Variants in SPTA1 observed in about 807,000 individuals in gnomAD.
SPTA1 encodes the protein spectrin alpha chain, erythrocytic 1.
Under a neutral mutation model 324.7 loss-of-function variants are expected in SPTA1, and 177 were observed. The ratio of observed to expected loss-of-function variants is 0.55; its 90% confidence interval spans 0.48 to 0.62. The LOEUF (loss-of-function observed/expected upper bound fraction) is 0.62, where lower values mean the gene tolerates loss of function less well. Among genes scored for constraint, SPTA1 ranks in the 20% least tolerant of loss-of-function variants. The pLI, the probability that SPTA1 is intolerant of heterozygous loss-of-function variation, is 0.00. For missense variants in SPTA1, 3,162 were observed against 2,883.6 expected (o/e 1.10, Z -2.21); for synonymous variants, 1,195 against 1,041.3 (o/e 1.15, Z -2.84).
At chr1:158,658,083 A>C (rs557135856) in intron 18 of SPTA1, among the ~76,000 whole-genome samples, 1 of 152,216 alleles carries the variant, frequency 6.6e-6, no homozygotes, top group African/African-American at 2.4e-5. Flanking sequence ...AAACAACTAG[A>C]AAACAGGAAA....
At chr1:158,682,020 C>T (rs962816370) in intron 3 of SPTA1, among the ~76,000 whole-genome samples, 6 of 152,132 alleles carry the variant, frequency 3.9e-5, no homozygotes, top group African/African-American at 9.7e-5. Context: ...ATAAGCATAA[C>T]ATGTTCTAAG....
intron 16 of SPTA1, 69 bp from the exon 17 acceptor site, chr1:158,663,014 G>A (rs192910219): frequency 2.8e-5 from 45 of 1,601,748 alleles, no homozygotes; most frequent in Non-Finnish European, 3.7e-5. Flanking sequence ...AGTTTGTCAT[G>A]GTGGAAACGG....
chr1:158,623,515 G>C (rs886465395), intron 42 of SPTA1, among the ~76,000 whole-genome samples: 7 of 152,178 alleles, frequency 4.6e-5, no homozygotes, highest in Admixed American at 4.6e-4. Flanking sequence ...GGAGGTAACT[G>C]AATCATGTGG....
chr1:158,680,143 T>C (rs1046578771), intron 5 of SPTA1, among the ~76,000 whole-genome samples: 6 of 152,112 alleles, frequency 3.9e-5, no homozygotes, highest in African/African-American at 7.2e-5. Context: ...TCCTCCGAAA[T>C]AATCTTGTAT....
rs1652841570 is a variant in SPTA1 at position 158,656,570 on chromosome 1, G to A, written c.2892C>T (p.Ala964=). Residue 964 remains alanine, a synonymous_variant, in exon 20 of 52, where the codon GCC becomes GCT. Transcript: ENST00000643759. ...SMKALRNQAN[A]CQQQQAAPVE... is the part of the protein sequence containing the mutation. ...ATCGCTAAGTTAGTCTTACCTGGCAGGCGTTTGCCTGATTCCGCAGAGCTT... is the reference window on the plus strand; with the variant it reads ...ATCGCTAAGTTAGTCTTACCTGGCAAGCGTTTGCCTGATTCCGCAGAGCTT... The A allele has an allele frequency of 6.2e-7, 1 of 1,613,604 alleles. No individual in the cohort carries two copies. Among genetic ancestry groups the A allele is most frequent in the African/African-American group, 1.3e-5 (1 of 74,884 alleles).
intron 19 of SPTA1, among the ~76,000 whole-genome samples, chr1:158,657,202 C>T (rs144772935): frequency 9.2e-5 from 14 of 152,278 alleles, no homozygotes; most frequent in South Asian, 6.2e-4. Flanking sequence ...AGTTTAGGAT[C>T]GGATTATGAC....
chr1:158,633,890 A>G (rs1023543039), intron 39 of SPTA1, among the ~76,000 whole-genome samples: 1 of 152,178 alleles, frequency 6.6e-6, no homozygotes, highest in East Asian at 1.9e-4. Flanking sequence ...TCATCACATT[A>G]AAGTGAATTA....
chr1:158,616,675 T>A (rs1327413824), intron 47 of SPTA1, among the ~76,000 whole-genome samples: 2 of 152,234 alleles, frequency 1.3e-5, no homozygotes, highest in Non-Finnish European at 2.9e-5. Flanking sequence ...TGATTCCATA[T>A]TTTGGCTATT....
intron 7 of SPTA1, among the ~76,000 whole-genome samples, chr1:158,677,183 G>T (rs1293591278): frequency 2.0e-5 from 3 of 152,170 alleles, no homozygotes; most frequent in African/African-American, 7.2e-5. Context: ...AAGTTCTAGT[G>T]TGCCTGAGGT....
rs973479538 is a variant in SPTA1 at position 158,667,409 on chromosome 1, C to T, written c.2038+449G>A. On this transcript the variant is annotated intron_variant, in intron 15 of 51. Coordinates refer to ENST00000643759, the MANE Select transcript of SPTA1 (RefSeq NM_003126.4). ...AATAGGTTTAAAAAGATCAACAAGT[C>T]ATCAGTCTCTGTAAGAATAAAATGT... Among the ~76,000 whole-genome samples, 5 of 152,172 alleles carry T rather than the reference C, an allele frequency of 3.3e-5. No homozygotes were observed. In the East Asian group the frequency reaches 7.7e-4, roughly 23 times the overall value.
intron 39 of SPTA1, among the ~76,000 whole-genome samples, chr1:158,631,515 C>A (rs1404486140): frequency 2.0e-5 from 3 of 151,986 alleles, no homozygotes; most frequent in Non-Finnish European, 4.4e-5. Flanking sequence ...GCACACTGCT[C>A]GGGTGATAGG....
intron 2 of SPTA1, 26 bp from the exon 3 acceptor site, chr1:158,683,522 G>A: frequency 1.2e-6 from 2 of 1,612,052 alleles, no homozygotes; most frequent in South Asian, 2.2e-5. Context: ...CAGAGTTTTT[G>A]TCTAATGAAG....
chr1:158,617,816 T>C (rs1362422837), intron 46 of SPTA1, among the ~76,000 whole-genome samples: 2 of 152,154 alleles, frequency 1.3e-5, no homozygotes, highest in Non-Finnish European at 1.5e-5. Flanking sequence ...CCCCTCTTAA[T>C]TATTCTTCTT....
chr1:158,640,918 G>C (rs562525246), intron 33 of SPTA1, among the ~76,000 whole-genome samples: 1 of 152,130 alleles, frequency 6.6e-6, no homozygotes, highest in Non-Finnish European at 1.5e-5. Context: ...ATACTACAAG[G>C]CTACAGTAAC....
At chr1:158,638,913 A>G (rs569600740) in intron 35 of SPTA1, among the ~76,000 whole-genome samples, 1 of 152,234 alleles carries the variant, frequency 6.6e-6, no homozygotes, top group African/African-American at 2.4e-5. Context: ...CTCTATGGGC[A>G]ACATTCTTAG....
intron 48 of SPTA1, chr1:158,614,590 A>G (rs971550435): frequency 5.5e-6 from 2 of 365,528 alleles, no homozygotes; most frequent in Admixed American, 4.4e-5. Flanking sequence ...TTCAATGTCC[A>G]TATATAAAGC....
chr1:158,614,256 T>A lies in SPTA1; in HGVS notation c.6839A>T (p.Tyr2280Phe). The A allele has an allele frequency of 6.3e-7, 1 of 1,588,736 alleles. No homozygotes were observed. The highest frequency in any genetic ancestry group is 8.6e-7 in the Non-Finnish European group (1 of 1,157,396). Residue 2280 changes from tyrosine to phenylalanine, a missense_variant, in exon 49 of 52, where the codon TAT becomes TTT. By Grantham distance (22) the Tyr-to-Phe change is conservative (BLOSUM62 3). Transcript: ENST00000643759. ...TTAACTATGAAATTATACTCACTTA[T>A]AGATTGTGCTAAATTCCTTTAGAGT... ...EETLKEFSTIYKHFDENLTGR... is the reference protein window; with the variant it reads ...EETLKEFSTIFKHFDENLTGR...
Position 158,632,778 on chromosome 1 carries a change from C to A in SPTA1, c.5565+1765G>T, listed in dbSNP as rs184723550. 6.5e-4 allele frequency among the ~76,000 whole-genome samples: 89 copies of A among 136,664 alleles called. 1 individual carries two copies. In the East Asian group the frequency reaches 0.017, roughly 27 times the overall value. 89.7% of individuals were successfully genotyped at this position (136,664 alleles called of 152,430 possible). A position where few individuals can be genotyped will look rare whatever the true frequency, so the allele number is the denominator to read the frequency against. ...ATTTGGCTTTTTTTTTTTTTTTGGTCCAAAACTAAATAGGCAGTTACTATA... is the reference window on the plus strand; with the variant it reads ...ATTTGGCTTTTTTTTTTTTTTTGGTACAAAACTAAATAGGCAGTTACTATA... On this transcript the variant is annotated intron_variant, in intron 39 of 51. Coordinates refer to ENST00000643759, the MANE Select transcript of SPTA1 (RefSeq NM_003126.4).
chr1:158,659,396 T>C (rs915367861), intron 18 of SPTA1, among the ~76,000 whole-genome samples: 1 of 151,960 alleles, frequency 6.6e-6, no homozygotes, highest in Non-Finnish European at 1.5e-5. Flanking sequence ...ATGCAAAATA[T>C]CTTTTGCTTA....
Sources: gnomAD v4.1 joint callset for allele counts (sites outside exome capture counted in the v4.1 genomes callset) on GRCh38, gnomAD v4.1.1 for gene constraint, MANE v1.5 for transcripts, NCBI Gene and HGNC (gene_info 2026-07-23, HGNC 2026-07-21) for gene names.